Variants in PFKFB1 observed in about 807,000 individuals in gnomAD.
PFKFB1 encodes 6-phosphofructo-2-kinase/fructose-2,6-biphosphatase 1.
A neutral mutation model predicts 46.4 loss-of-function variants in PFKFB1; 34 were observed. The observed-to-expected ratio is 0.73, with a 90% CI of 0.56 to 0.98. The LOEUF (loss-of-function observed/expected upper bound fraction) is 0.98, where lower values mean the gene tolerates loss of function less well. PFKFB1 is among the 50% of genes least tolerant of loss of function. The probability of loss-of-function intolerance (pLI) is 0.00; values close to 1 mark genes in which losing one functional copy is unlikely to be tolerated. For missense variants in PFKFB1, 393 were observed against 376.3 expected (o/e 1.04, Z -0.37); for synonymous variants, 119 against 133.8 (o/e 0.89, Z 0.76).
intron 11 of PFKFB1, among the ~76,000 whole-genome samples, chrX:54,936,707 G>A (rs755241112): frequency 1.8e-5 from 2 of 111,993 alleles, no homozygotes; most frequent in Non-Finnish European, 3.8e-5. Flanking sequence ...TTCCAGTGAG[G>A]AAACTGAGGA....
At chrX:54,972,132 C>T (rs1187747534) in intron 1 of PFKFB1, among the ~76,000 whole-genome samples, 1 of 110,971 alleles carries the variant, frequency 9.0e-6, no homozygotes, top group African/African-American at 3.3e-5. Context: ...TGATTTGGCT[C>T]TCTGTTTGTC....
At position 54,948,957 on chromosome X, in the gene PFKFB1, C is replaced by T. The variant is rs1602185526; in HGVS notation, c.993+118G>A. The T allele has an allele frequency of 3.8e-5, 31 of 825,498 alleles. No homozygotes were observed. The East Asian group carries it at 9.5e-4, about 25-fold the overall frequency. 68.0% of individuals were successfully genotyped at this position (825,498 alleles called of 1,213,427 possible). On this transcript the variant is annotated intron_variant, in intron 9 of 13. Coordinates refer to ENST00000375006, the MANE Select transcript of PFKFB1 (RefSeq NM_002625.4). ...TAAGGTCTAGCACATGGCTAGTTGT[C>T]AAAAAAGTTTGTTGAATTAATTAGG... is the stretch of plus-strand genomic sequence containing the variant.
chrX:54,950,888 G>A (rs1187277409), intron 8 of PFKFB1, among the ~76,000 whole-genome samples: 4 of 112,669 alleles, frequency 3.6e-5, no homozygotes, highest in South Asian at 3.7e-4. Flanking sequence ...CAGTAGGCCC[G>A]GCTTTCAGTC....
chrX:54,933,937 C>A lies in PFKFB1; in HGVS notation c.1292-52G>T, dbSNP rs1569546563. ...ATAGGCCCCCAAGGTAGGCACAGGTCTTCCCTGAGGTATCACCTCCCCTCC... is the reference window on the plus strand; with the variant it reads ...ATAGGCCCCCAAGGTAGGCACAGGTATTCCCTGAGGTATCACCTCCCCTCC... On this transcript the variant is annotated intron_variant, in intron 12 of 13. Coordinates refer to ENST00000375006, the MANE Select transcript of PFKFB1 (RefSeq NM_002625.4). 3 of 1,013,119 alleles carry A rather than the reference C, an allele frequency of 3.0e-6. No individual in the cohort carries two copies. In the South Asian group the frequency reaches 6.0e-5, roughly 20 times the overall value. The allele number at this position is 1,013,119 out of a possible 1,213,427, so 83.5% of individuals were successfully genotyped here. A position where few individuals can be genotyped will look rare whatever the true frequency, so the allele number is the denominator to read the frequency against.
intron 4 of PFKFB1, 136 bp downstream of exon 4, chrX:54,959,691 G>C (rs1336402834): frequency 1.7e-5 from 8 of 461,756 alleles, no homozygotes; most frequent in Non-Finnish European, 3.1e-5. Context: ...TCTCAAGGGG[G>C]GAGCATAAAA....
At chrX:54,983,722 T>C (rs750094151) in intron 1 of PFKFB1, among the ~76,000 whole-genome samples, 26 of 112,367 alleles carry the variant, frequency 2.3e-4, no homozygotes, top group Non-Finnish European at 4.3e-4. Flanking sequence ...GTTCTGTTTT[T>C]AGCTCTTTGA....
intron 11 of PFKFB1, 66 bp downstream of exon 11, chrX:54,937,529 T>C (rs1334089103): frequency 2.0e-6 from 2 of 1,019,127 alleles, no homozygotes; most frequent in South Asian, 2.2e-5. Flanking sequence ...GATATAGATA[T>C]CTAATTGTTG....
intron 10 of PFKFB1, among the ~76,000 whole-genome samples, 183 bp downstream of exon 10, chrX:54,945,256 T>C (rs1207169032): frequency 8.9e-6 from 1 of 112,440 alleles, no homozygotes; most frequent in Non-Finnish European, 1.9e-5. Flanking sequence ...ATGGATCTAT[T>C]GCCTATAGCC....
rs776566468 is a variant in PFKFB1 at position 54,958,288 on chromosome X, G to A, written c.516+18C>T. 5.3e-6 allele frequency: 6 copies of A among 1,135,818 alleles called. No homozygotes were observed. The highest frequency in any genetic ancestry group is 7.2e-6 in the Non-Finnish European group (6 of 829,951). 93.6% of individuals were successfully genotyped at this position (1,135,818 alleles called of 1,213,427 possible). A position where few individuals can be genotyped will look rare whatever the true frequency, so the allele number is the denominator to read the frequency against. On this transcript the variant is annotated intron_variant, in intron 6 of 13. Coordinates refer to ENST00000375006, the MANE Select transcript of PFKFB1 (RefSeq NM_002625.4). Reference sequence around the variant, plus strand: ...GCCTAAGGCAGAGCAAAGTGGAAAAGTAACTGGTGGTCCTTACCCTGATGT... The same window carrying A: ...GCCTAAGGCAGAGCAAAGTGGAAAAATAACTGGTGGTCCTTACCCTGATGT...
chrX:54,956,392 G>A, intron 6 of PFKFB1, 118 bp from the exon 7 acceptor site: 1 of 868,886 alleles, frequency 1.2e-6, no homozygotes, highest in Non-Finnish European at 1.6e-6. Context: ...TGAGGAAATT[G>A]AGACCTGGAG....
chrX:54,933,867 A>G lies in PFKFB1; in HGVS notation c.1310T>C (p.Ile437Thr). The G allele has an allele frequency of 3.3e-6, 4 of 1,209,712 alleles. No homozygotes were observed. Among genetic ancestry groups the G allele is most frequent in the Non-Finnish European group, 4.5e-6 (4 of 893,937 alleles). Reference sequence around the variant, plus strand: ...GTTCACGGCCTCCACATTCAGGTAGATGGATTCCACTTTGCAGCCTTAGAA... The same window carrying G: ...GTTCACGGCCTCCACATTCAGGTAGGTGGATTCCACTTTGCAGCCTTAGAA... Reference protein sequence around the residue: ...PVAYGCKVESIYLNVEAVNTH... With the variant: ...PVAYGCKVESTYLNVEAVNTH... The change falls in exon 13 of 14, where the codon ATC becomes ACC. Residue 437 changes from isoleucine (I) to threonine (T), a missense_variant. Coordinates refer to ENST00000375006, the MANE Select transcript of PFKFB1 (RefSeq NM_002625.4).
chrX:54,960,943 A>G (rs368090066), intron 2 of PFKFB1, 26 bp from the exon 3 acceptor site: 11 of 1,045,797 alleles, frequency 1.1e-5, no homozygotes, highest in African/African-American at 3.7e-5. Flanking sequence ...GCCAGTGAAG[A>G]GGTTGGGAAG....
chrX:54,950,216 T>C (rs188516002), intron 8 of PFKFB1, among the ~76,000 whole-genome samples: 19 of 112,670 alleles, frequency 1.7e-4, no homozygotes, highest in Non-Finnish European at 2.8e-4. Flanking sequence ...CATTTCATTA[T>C]GGACCTGAGT....
intron 1 of PFKFB1, among the ~76,000 whole-genome samples, chrX:54,971,811 G>A (rs1482833784): frequency 8.9e-6 from 1 of 111,732 alleles, no homozygotes; most frequent in Non-Finnish European, 1.9e-5. Context: ...GGATTGACTT[G>A]GTGATGCAGG....
intron 1 of PFKFB1, among the ~76,000 whole-genome samples, chrX:54,965,983 C>T (rs1345929092): frequency 2.8e-5 from 3 of 107,119 alleles, no homozygotes; most frequent in African/African-American, 6.8e-5. Context: ...TAATGAAAGG[C>T]AGAAAAAAAG....
chrX:54,937,359 G>C (rs1933438348), intron 11 of PFKFB1, among the ~76,000 whole-genome samples: 1 of 112,127 alleles, frequency 8.9e-6, no homozygotes, highest in African/African-American at 3.2e-5. Context: ...TTTTACTTAT[G>C]TTATTTAAAA....
intron 7 of PFKFB1, 109 bp from the exon 8 acceptor site, chrX:54,952,221 C>G: frequency 1.8e-6 from 1 of 560,991 alleles, no homozygotes; most frequent in Non-Finnish European, 3.0e-6. Context: ...TTCCACAACC[C>G]AGCTGTCACC....
intron 1 of PFKFB1, among the ~76,000 whole-genome samples, chrX:54,980,811 A>G (rs1026855051): frequency 1.8e-5 from 2 of 110,797 alleles, no homozygotes; most frequent in African/African-American, 6.5e-5. Flanking sequence ...TCAGAATTGC[A>G]AAAGCTATAA....
Position 54,952,120 on chromosome X carries a change from A to G in PFKFB1, c.639-8T>C, listed in dbSNP as rs1395257536. On this transcript the variant is annotated splice_region_variant and splice_polypyrimidine_tract_variant and intron_variant, in intron 7 of 13. Transcript: ENST00000375006. ...TTGATGTAGGACAGGTGGCTGGGCCAGACCCAAGCAGGAGCAAGGGCAGCT... is the reference window on the plus strand; with the variant it reads ...TTGATGTAGGACAGGTGGCTGGGCCGGACCCAAGCAGGAGCAAGGGCAGCT... 8.3e-7 allele frequency: 1 copy of G among 1,199,745 alleles called. No homozygotes were observed. The highest frequency in any genetic ancestry group is 3.0e-5 in the East Asian group (1 of 33,795).
Sources: gnomAD v4.1 joint callset for allele counts (sites outside exome capture counted in the v4.1 genomes callset) on GRCh38, gnomAD v4.1.1 for gene constraint, MANE v1.5 for transcripts, NCBI Gene and HGNC (gene_info 2026-07-23, HGNC 2026-07-21) for gene names.